The following ESS2 variants were observed in gnomAD, a reference collection of about 807,000 sequenced individuals.
The protein encoded by ESS2 is ess-2 spliceosome associated protein, also known as splicing factor ESS-2 homolog.
In ESS2, 31 loss-of-function variants were observed where a neutral mutation model predicts 52.0. The ratio of observed to expected loss-of-function variants is 0.60; its 90% CI spans 0.45 to 0.81. The LOEUF (loss-of-function observed/expected upper bound fraction) is 0.81, where lower values mean the gene tolerates loss of function less well. Among genes scored for constraint, ESS2 ranks in the 30% least tolerant of loss-of-function variants. The pLI is 0.00. For synonymous variants in ESS2, 285 were observed against 259.2 expected (o/e 1.10, Z -0.95); for missense variants, 602 against 637.2 (o/e 0.94, Z 0.59).
In ESS2 at chr22:19,139,252, C is replaced by T; in HGVS notation, c.729G>A (p.Gln243=). 3.1e-6 allele frequency: 5 copies of T among 1,606,272 alleles called. No individual in the cohort carries two copies. The highest frequency in any genetic ancestry group is 4.3e-6 in the Non-Finnish European group (5 of 1,176,114). The change falls in exon 6 of 10, where the codon CAG becomes CAA. Residue 243 remains glutamine (Q), a synonymous_variant. Coordinates refer to ENST00000252137, the MANE Select transcript of ESS2 (RefSeq NM_022719.3). The stretch of plus-strand genomic sequence containing the variant: ...GGAAGCGCGTGTTCTTATGTACCAC[C>T]TGCCGGGGCTTCTTAAACAGCTGCT... The part of the protein sequence containing the change: ...DEEQLFKKPR[Q]VVHKNTRFLR...
rs1254846532 is a variant in ESS2 at position 19,139,219 on chromosome 22, G to A, written c.762C>T (p.Asp254=). Residue 254 remains aspartate, a synonymous_variant, in exon 6 of 10, where the codon GAC becomes GAT. Transcript: ENST00000252137. The stretch of plus-strand genomic sequence containing the variant: ...ACCTGCTCAGGGCTTGGCTGAAGGG[G>A]TCCCTAAGGAAGCGCGTGTTCTTAT... ...VVHKNTRFLR[D]PFSQALSRCQ... is the part of the protein sequence containing the mutation. The A allele has an allele frequency of 6.2e-7, 1 of 1,608,912 alleles. No individual in the cohort carries two copies. Among genetic ancestry groups the A allele is most frequent in the East Asian group, 2.2e-5 (1 of 44,734 alleles).
chr22:19,138,100 A>C, intron 7 of ESS2, 115 bp downstream of exon 7: 1 of 1,536,960 alleles, frequency 6.5e-7, no homozygotes, highest in South Asian at 1.2e-5. Flanking sequence ...CCTGAGTTAC[A>C]CAAGGTGTGG....
rs772853921 is a variant in ESS2 at position 19,144,645 on chromosome 22, A to G, written c.-5T>C. On this transcript the variant is annotated 5_prime_UTR_variant, in exon 1 of 10. Coordinates refer to ENST00000252137, the MANE Select transcript of ESS2 (RefSeq NM_022719.3). The stretch of plus-strand genomic sequence containing the variant: ...TGATGCGCCCGGCGTCTCCATCGCT[A>G]TCCCAGGAAAAAGCTCGGGCCCAGC... 1.3e-6 allele frequency: 2 copies of G among 1,503,588 alleles called. No homozygotes were observed. Among genetic ancestry groups the G allele is most frequent in the Non-Finnish European group, 1.8e-6 (2 of 1,120,068 alleles). 93.1% of individuals were successfully genotyped at this position (1,503,588 alleles called of 1,614,324 possible). A position where few individuals can be genotyped will look rare whatever the true frequency, so the allele number is the denominator to read the frequency against.
intron 6 of ESS2, 113 bp from the exon 7 acceptor site, chr22:19,138,430 G>C: frequency 9.7e-7 from 1 of 1,036,048 alleles, no homozygotes; most frequent in South Asian, 1.4e-5. Context: ...TCAGGGCAAG[G>C]CTGGGGCTCT....
In ESS2 at chr22:19,131,936, A is replaced by G; in HGVS notation, c.*2260T>C. The G allele has an allele frequency of 6.2e-7, 1 of 1,614,170 alleles. No individual in the cohort carries two copies. Among genetic ancestry groups the G allele is most frequent in the Non-Finnish European group, 8.5e-7 (1 of 1,180,004 alleles). On this transcript the variant is annotated 3_prime_UTR_variant, in exon 10 of 10. Transcript: ENST00000252137. The surrounding 1 kb of genome is among the most constrained non-coding windows in gnomAD (Gnocchi z 5.7). ...TCAGCAAGACCTTCTGCGGGTCGGCAGCATATGCAGCCCCCGAGGTGCTGC... is the reference window on the plus strand; with the variant it reads ...TCAGCAAGACCTTCTGCGGGTCGGCGGCATATGCAGCCCCCGAGGTGCTGC...
chr22:19,142,219 C>G (rs2083699059), intron 3 of ESS2, among the ~76,000 whole-genome samples: 1 of 152,192 alleles, frequency 6.6e-6, no homozygotes, highest in Non-Finnish European at 1.5e-5. Flanking sequence ...TGGAGAGGCC[C>G]TGAGGCATCT....
rs1383497874 is a variant in ESS2 at position 19,137,417 on chromosome 22, G to A, written c.941C>T (p.Pro314Leu). 5.6e-6 allele frequency: 9 copies of A among 1,612,998 alleles called. 1 individual carries two copies. The highest frequency in any genetic ancestry group is 1.7e-4 in the Middle Eastern group (1 of 6,058). Residue 314 changes from proline (P) to leucine (L), a missense_variant, in exon 8 of 10, where the codon CCG (proline) becomes CTG (leucine). Physicochemically the swap from Pro to Leu is moderately conservative, Grantham distance 98 (BLOSUM62 -3). Coordinates refer to ENST00000252137, the MANE Select transcript of ESS2 (RefSeq NM_022719.3). ...CTCAACCTCCCCCCAGGTCATCATC[G>A]GGGACTCGTTCACACCTGCAGACAA... ...PSPAPGVNESPMMTWGEVENT... is the reference protein window; with the variant it reads ...PSPAPGVNESLMMTWGEVENT...
At chr22:19,135,341 C>T (rs1161984469) in intron 8 of ESS2, among the ~76,000 whole-genome samples, 166 bp from the exon 9 acceptor site, 1 of 152,258 alleles carries the variant, frequency 6.6e-6, no homozygotes, top group Non-Finnish European at 1.5e-5. Flanking sequence ...CCAAACCCCA[C>T]CTGACCTGCC....
intron 9 of ESS2, 30 bp from the exon 10 acceptor site, chr22:19,134,505 G>A: frequency 6.7e-7 from 1 of 1,495,156 alleles, no homozygotes; most frequent in African/African-American, 1.4e-5. Context: ...GAGAGAGGCA[G>A]GGTTAGGTGG....
intron 3 of ESS2, 134 bp from the exon 4 acceptor site, chr22:19,140,158 G>T: frequency 8.8e-7 from 1 of 1,139,790 alleles, no homozygotes; most frequent in Non-Finnish European, 1.2e-6. Context: ...TTCTGCCCAT[G>T]AAAGCCCACA....
Position 19,131,298 on chromosome 22 carries a change from C to A in ESS2, c.*2898G>T. 9.6e-7 allele frequency: 1 copy of A among 1,043,586 alleles called. No individual in the cohort carries two copies. The highest frequency in any genetic ancestry group is 1.4e-6 in the Non-Finnish European group (1 of 706,708). 64.6% of individuals were successfully genotyped at this position (1,043,586 alleles called of 1,614,324 possible). A position where few individuals can be genotyped will look rare whatever the true frequency, so the allele number is the denominator to read the frequency against. On this transcript the variant is annotated 3_prime_UTR_variant, in exon 10 of 10. Transcript: ENST00000252137. This position sits in a 1 kb window ranked among gnomAD's most constrained non-coding sequence, Gnocchi z 5.7. ...CCCTGAGTCGAAGCCCAGCCCAGGG[C>A]AGCCCAGCCAGACGCCTCCGGTAGT... is the stretch of plus-strand genomic sequence containing the variant.
At position 19,132,689 on chromosome 22, in the gene ESS2, G is replaced by T; in HGVS notation, c.*1507C>A. On this transcript the variant is annotated 3_prime_UTR_variant, in exon 10 of 10. Coordinates refer to ENST00000252137, the MANE Select transcript of ESS2 (RefSeq NM_022719.3). This position sits in a 1 kb window ranked among gnomAD's most constrained non-coding sequence, Gnocchi z 4.2. The stretch of plus-strand genomic sequence containing the variant: ...TTACTGACCACCAAATAAACCACAG[G>T]GTGTGTGCAAGCATCAAGAGTGCCC... 1.7e-6 allele frequency: 1 copy of T among 586,822 alleles called. No homozygotes were observed. Among genetic ancestry groups the T allele is most frequent in the Non-Finnish European group, 3.0e-6 (1 of 331,350 alleles). 36.4% of individuals were successfully genotyped at this position (586,822 alleles called of 1,614,324 possible).
In ESS2 at chr22:19,139,961, TAGCGGCTCAGGAAGACATCTAGGCTGGGC is replaced by T. The variant is rs2083656143; in HGVS notation, c.435_463del (p.Pro146HisfsTer3). 1 of 1,613,996 alleles carries T rather than the reference TAGCGGCTCAGGAAGACATCTAGGCTGGGC, an allele frequency of 6.2e-7. No individual in the cohort carries two copies. Among genetic ancestry groups the T allele is most frequent in the Admixed American group, 1.7e-5 (1 of 60,002 alleles). On this transcript the variant is annotated frameshift_variant, in exon 4 of 10. Coordinates refer to ENST00000252137, the MANE Select transcript of ESS2 (RefSeq NM_022719.3). LOFTEE classifies it high-confidence loss of function. Reference sequence around the variant, plus strand: ...GAAGGAGGCATTGTCCTCACTCGTGTAGCGGCTCAGGAAGACATCTAGGCTGGGCAGCGGCTCCTTCTCCTCCTCCTCTC... The same window carrying T: ...GAAGGAGGCATTGTCCTCACTCGTGTAGCGGCTCCTTCTCCTCCTCCTCTC...
chr22:19,140,138 T>G, intron 3 of ESS2, 114 bp from the exon 4 acceptor site: 1 of 1,320,414 alleles, frequency 7.6e-7, no homozygotes, highest in Non-Finnish European at 1.0e-6. Flanking sequence ...TCCTCTCCCC[T>G]GGTCCTGGCT....
At position 19,139,894 on chromosome 22, in the gene ESS2, G is replaced by T; in HGVS notation, c.531C>A (p.Arg177=). ...MEVAKERSRA[R]HAWLYQAEEE... is the part of the protein sequence containing the mutation. ...CCTCAGCCTGGTAGAGCCAAGCGTGGCGTGCCCGGCTTCTCTCCTTGGCCA... is the reference window on the plus strand; with the variant it reads ...CCTCAGCCTGGTAGAGCCAAGCGTGTCGTGCCCGGCTTCTCTCCTTGGCCA... Residue 177 remains arginine, a synonymous_variant, in exon 4 of 10, where the codon CGC becomes CGA. Transcript: ENST00000252137. The T allele has an allele frequency of 6.8e-6, 11 of 1,614,168 alleles. No homozygotes were observed. The highest frequency in any genetic ancestry group is 9.3e-6 in the Non-Finnish European group (11 of 1,180,022).
Position 19,142,585 on chromosome 22 carries a change from C to T in ESS2, c.353G>A (p.Gly118Glu). The T allele has an allele frequency of 6.2e-7, 1 of 1,613,674 alleles. No homozygotes were observed. The highest frequency in any genetic ancestry group is 8.5e-7 in the Non-Finnish European group (1 of 1,179,832). The change falls in exon 3 of 10, where the codon GGA (glycine) becomes GAA (glutamate). Residue 118 changes from glycine to glutamate, a missense_variant. Physicochemically the swap from Gly to Glu is moderately conservative, Grantham distance 98 (BLOSUM62 -2). Transcript: ENST00000252137. ...GGGCCTGGGCTTGTTGCCCACCACT[C>T]CAGTGCCTGCATGCACCTCAGGGGT... ...FETPEVHAGT[G>E]VVGNKPRPRG...
chr22:19,144,519 T>G lies in ESS2; in HGVS notation c.122A>C (p.Glu41Ala), dbSNP rs746425961. ...CCGAGGTCGTACCTCGATATACTCT[T>G]CCTCGTCCAGGACCCGCTGCTTGCT... ...ATSKQRVLDEEEYIEGLQTVI... is the reference protein window; with the variant it reads ...ATSKQRVLDEAEYIEGLQTVI... The change falls in exon 1 of 10, where the codon GAA becomes GCA. Residue 41 changes from glutamate (E) to alanine (A), a missense_variant. Glu to Ala is a moderately radical substitution (Grantham distance 107). Transcript: ENST00000252137. The G allele has an allele frequency of 6.2e-7, 1 of 1,610,698 alleles. No homozygotes were observed. The highest frequency in any genetic ancestry group is 8.5e-7 in the Non-Finnish European group (1 of 1,178,808).
Position 19,131,387 on chromosome 22 carries a change from C to T in ESS2, c.*2809G>A, listed in dbSNP as rs200850431. 1.0e-5 allele frequency: 16 copies of T among 1,564,928 alleles called. No individual in the cohort carries two copies. The Middle Eastern group carries it at 1.4e-3, about 134-fold the overall frequency. On this transcript the variant is annotated 3_prime_UTR_variant, in exon 10 of 10. Coordinates refer to ENST00000252137, the MANE Select transcript of ESS2 (RefSeq NM_022719.3). The surrounding 1 kb of genome is among the most constrained non-coding windows in gnomAD (Gnocchi z 5.7). ...GGATGTAGACGGCAGCGGCGCCAGT[C>T]GCTCCTGGCACCATGGACGATGCCA...
chr22:19,143,781 A>G lies in ESS2; in HGVS notation c.135+725T>C, dbSNP rs543067671. 5.8e-4 allele frequency among the ~76,000 whole-genome samples: 89 copies of G among 152,310 alleles called. No individual in the cohort carries two copies. In the Middle Eastern group the frequency reaches 0.014, roughly 23 times the overall value. ...TGAGGCAGGAGAATGGCTTGAACCCAGGAGGCAGAGGTTGGTTACAGTAAG... is the reference window on the plus strand; with the variant it reads ...TGAGGCAGGAGAATGGCTTGAACCCGGGAGGCAGAGGTTGGTTACAGTAAG... On this transcript the variant is annotated intron_variant, in intron 1 of 9. Coordinates refer to ENST00000252137, the MANE Select transcript of ESS2 (RefSeq NM_022719.3).
Sources: allele counts gnomAD v4.1 joint callset (sites outside exome capture counted in the v4.1 genomes callset), GRCh38; gene constraint gnomAD v4.1.1; non-coding constraint Gnocchi (gnomAD v3.1); transcripts MANE v1.5; gene names NCBI Gene and HGNC (gene_info 2026-07-23, HGNC 2026-07-21).